The following MAP2 variants were observed in gnomAD, a reference collection of about 807,000 sequenced individuals.
MAP2 encodes the protein microtubule associated protein 2, also known as microtubule-associated protein 2.
MAP2 carries 14 observed loss-of-function variants against 137.6 expected under a neutral mutation model. The ratio of observed to expected loss-of-function variants is 0.10; its 90% confidence interval spans 0.07 to 0.16. The LOEUF is 0.16. Among genes scored for constraint, MAP2 ranks in the 10% least tolerant of loss-of-function variants. The probability of loss-of-function intolerance (pLI) is 1.00; values close to 1 mark genes in which losing one functional copy is unlikely to be tolerated. For missense variants in MAP2, 2,088 were observed against 2,191.5 expected, an observed-to-expected ratio of 0.95 and a Z score of 0.94; for synonymous variants, 786 against 782.3, an observed-to-expected ratio of 1.00 and a Z score of -0.08.
intron 12 of MAP2, among the ~76,000 whole-genome samples, chr2:209,706,180 A>G (rs929612044): frequency 6.6e-6 from 1 of 152,176 alleles, no homozygotes; most frequent in African/African-American, 2.4e-5. Context: ...TTTGCATTCC[A>G]AATGAGCTAT....
chr2:209,700,149 T>C (rs1191116928), intron 10 of MAP2, 128 bp from the exon 11 acceptor site: 1 of 658,138 alleles, frequency 1.5e-6, no homozygotes, highest in Non-Finnish European at 2.7e-6. Context: ...AATTTGAGTC[T>C]CATAATAAGC....
intron 13 of MAP2, among the ~76,000 whole-genome samples, chr2:209,723,094 A>G (rs773057441): frequency 1.4e-4 from 21 of 152,338 alleles, no homozygotes; most frequent in Admixed American, 2.6e-4. Flanking sequence ...AGCATTCACC[A>G]TGTGTGAGCC....
chr2:209,615,168 G>A (rs575204235), intron 3 of MAP2, among the ~76,000 whole-genome samples: 17 of 152,210 alleles, frequency 1.1e-4, no homozygotes, highest in African/African-American at 3.6e-4. Flanking sequence ...GAATGCTCAC[G>A]TTGACCTCAA....
At chr2:209,710,495 TTGAC>T in intron 13 of MAP2, 1 of 471,266 alleles carries the variant, frequency 2.1e-6, no homozygotes, top group Non-Finnish European at 3.8e-6. Context: ...TTTTAGTTGA[TTGAC>T]TAACTTTTTT....
Position 209,623,535 on chromosome 2 carries a change from G to A in MAP2, c.-106-1518G>A, listed in dbSNP as rs555005986. ...GAAAATAAAACAGATATTCTATCCA[G>A]CATTCATTTGTTAAGTACACAAAGA... On this transcript the variant is annotated intron_variant, in intron 3 of 15. Transcript: ENST00000682079. Among the ~76,000 whole-genome samples the A allele has an allele frequency of 3.9e-5, 6 of 152,224 alleles. No individual in the cohort carries two copies. The East Asian group carries it at 1.2e-3, about 29-fold the overall frequency.
chr2:209,582,130 T>G (rs1362016205), intron 3 of MAP2, among the ~76,000 whole-genome samples: 1 of 152,152 alleles, frequency 6.6e-6, no homozygotes, highest in Non-Finnish European at 1.5e-5. Context: ...CAATAAATAT[T>G]TATTTAATTA....
At chr2:209,690,624 G>T (rs895782635) in intron 7 of MAP2, 2 of 1,288,032 alleles carry the variant, frequency 1.6e-6, no homozygotes, top group African/African-American at 3.0e-5. Context: ...CTAGAGAGTC[G>T]GATGGCTGAG....
intron 2 of MAP2, among the ~76,000 whole-genome samples, chr2:209,573,363 G>A (rs1336349966): frequency 4.3e-5 from 6 of 140,184 alleles, no homozygotes; most frequent in Admixed American, 7.8e-5. Context: ...GCACGATCTC[G>A]GCTCACCACA....
chr2:209,460,587 T>G (rs1702529802), intron 1 of MAP2, among the ~76,000 whole-genome samples: 1 of 150,814 alleles, frequency 6.6e-6, no homozygotes, highest in Non-Finnish European at 1.5e-5. Flanking sequence ...CCTTCTCTCC[T>G]TTTCCTTCCT....
chr2:209,542,346 G>A (rs78572071), intron 2 of MAP2, among the ~76,000 whole-genome samples: 4,118 of 152,294 alleles, frequency 0.027, 192 homozygotes, highest in African/African-American at 0.094. Flanking sequence ...GGTTCCATTT[G>A]CAGAGCAAAG....
chr2:209,661,454 C>T (rs2043593430), intron 5 of MAP2: 1 of 957,678 alleles, frequency 1.0e-6, no homozygotes, highest in South Asian at 4.8e-5. Context: ...TGCCATTTCC[C>T]TGAGCTCCGC....
chr2:209,666,262 A>G (rs2046260637), intron 5 of MAP2, among the ~76,000 whole-genome samples: 2 of 118,918 alleles, frequency 1.7e-5, no homozygotes, highest in South Asian at 2.6e-4. Context: ...ATCACAACGC[A>G]TGTAAGATAT....
intron 1 of MAP2, among the ~76,000 whole-genome samples, chr2:209,476,692 A>AT (rs1479061473): frequency 9.2e-5 from 14 of 152,318 alleles, no homozygotes; most frequent in Middle Eastern, 3.4e-3. Context: ...CAGGGTGCAC[A>AT]TTCAGGCCTT....
intron 1 of MAP2, among the ~76,000 whole-genome samples, chr2:209,455,217 CTTATTAAGTAGGTACCA>C (rs1235483290): frequency 2.6e-5 from 4 of 152,146 alleles, no homozygotes; most frequent in Non-Finnish European, 5.9e-5. Flanking sequence ...CTTATACAAT[CTTATTAAGTAGGTACCA>C]TTATCAACCT....
intron 2 of MAP2, among the ~76,000 whole-genome samples, chr2:209,517,847 A>G (rs1042321864): frequency 6.7e-6 from 1 of 148,522 alleles, no homozygotes; most frequent in African/African-American, 2.6e-5. Context: ...CATGAGGTGA[A>G]TGATAACCAA....
intron 13 of MAP2, among the ~76,000 whole-genome samples, chr2:209,718,657 G>A (rs142250195): frequency 1.8e-3 from 274 of 152,226 alleles, no homozygotes; most frequent in African/African-American, 5.0e-3. Flanking sequence ...CTCAGCTTGC[G>A]TAGGAAAATT....
intron 3 of MAP2, among the ~76,000 whole-genome samples, chr2:209,620,660 A>G (rs2153518999): frequency 6.6e-6 from 1 of 152,288 alleles, no homozygotes; most frequent in East Asian, 1.9e-4. Flanking sequence ...TTATGTTGGC[A>G]TCTGCTTTCC....
At chr2:209,606,565 G>A (rs1580321779) in intron 3 of MAP2, among the ~76,000 whole-genome samples, 3 of 152,160 alleles carry the variant, frequency 2.0e-5, no homozygotes, top group Non-Finnish European at 1.5e-5. Context: ...AAAAAATAGA[G>A]TAGATTCATT....
rs1442752399 is a variant in MAP2 at position 209,693,663 on chromosome 2, C to G, written c.1493C>G (p.Ser498Trp). 1 of 1,613,656 alleles carries G rather than the reference C, an allele frequency of 6.2e-7. No individual in the cohort carries two copies. The change falls in exon 8 of 16, where the codon TCG (serine) becomes TGG (tryptophan). Residue 498 changes from serine to tryptophan, a missense_variant. By Grantham distance (177) the Ser-to-Trp change is radical. Around this residue, in one of 6 missense-constraint regions of MAP2, gnomAD observed 859 missense variants for 794.5 expected, o/e 1.08. Coordinates refer to ENST00000682079, the MANE Select transcript of MAP2 (RefSeq NM_001375505.1). ...ACCACAGATATGTTGAAACAGGACT[C>G]GTTCCCTGTAAGTTTGGAGCAAGCA... ...EPTTDMLKQD[S>W]FPVSLEQAVT...
Sources: gnomAD v4.1 joint callset for allele counts (sites outside exome capture counted in the v4.1 genomes callset) on GRCh38, gnomAD v4.1.1 for gene constraint, gnomAD v4.1.1 regional missense constraint, MANE v1.5 for transcripts, NCBI Gene and HGNC (gene_info 2026-07-23, HGNC 2026-07-21) for gene names.